The following PCNX1 variants were observed in gnomAD, a reference collection of about 807,000 sequenced individuals.
PCNX1 encodes the protein pecanex 1.
Under a neutral mutation model 242.2 loss-of-function variants are expected in PCNX1, and 78 were observed. That is an observed-to-expected ratio of 0.32 (90% CI 0.27 to 0.39). PCNX1 has a LOEUF of 0.39. Among genes scored for constraint, PCNX1 ranks in the 10% least tolerant of loss-of-function variants. PCNX1 has a pLI of 1.00. For missense variants in PCNX1, 2,581 were observed against 2,856.5 expected, an observed-to-expected ratio of 0.90 and a Z score of 2.20; for synonymous variants, 1,024 against 1,032.9, an observed-to-expected ratio of 0.99 and a Z score of 0.17.
At chr14:70,942,824 C>T (rs991952104) in intron 1 of PCNX1, 4 of 152,200 alleles carry the variant, frequency 2.6e-5, no homozygotes, top group Admixed American at 6.5e-5. Context: ...TTTGTGTCCT[C>T]ACCCAAATCT....
At chr14:71,076,550 A>C in intron 28 of PCNX1, 131 bp downstream of exon 28, 2 of 647,578 alleles carry the variant, frequency 3.1e-6, no homozygotes, top group South Asian at 3.8e-5. Flanking sequence ...AAGATAACCT[A>C]ACTGGTTCAT....
intron 31 of PCNX1, among the ~76,000 whole-genome samples, chr14:71,102,508 C>T (rs889993374): frequency 2.0e-5 from 3 of 152,058 alleles, no homozygotes; most frequent in African/African-American, 7.2e-5. Flanking sequence ...TCAAGTGATC[C>T]ACCTGACTCA....
chr14:70,945,622 G>A lies in PCNX1; in HGVS notation c.154-1293G>A, dbSNP rs28453676. Among the ~76,000 whole-genome samples the A allele has an allele frequency of 8.4e-3, 1,269 of 150,660 alleles. 10 individuals carry two copies. The highest frequency in any genetic ancestry group is 0.029 in the African/African-American group (1,195 of 41,038). On this transcript the variant is annotated intron_variant, in intron 1 of 35. Coordinates refer to ENST00000304743, the MANE Select transcript of PCNX1 (RefSeq NM_014982.3). ...TTGATCATACCTGTATTCTAAACCTGTCTGGCCCATAAAGACCTTTTTATT... is the reference window on the plus strand; with the variant it reads ...TTGATCATACCTGTATTCTAAACCTATCTGGCCCATAAAGACCTTTTTATT...
At chr14:71,005,522 G>A (rs543748505) in intron 8 of PCNX1, among the ~76,000 whole-genome samples, 1 of 151,848 alleles carries the variant, frequency 6.6e-6, no homozygotes, top group African/African-American at 2.4e-5. Context: ...AAAAAAAGGG[G>A]GGGTGGGGAA....
chr14:70,980,738 A>G (rs8010507), intron 6 of PCNX1, among the ~76,000 whole-genome samples: 64 of 152,296 alleles, frequency 4.2e-4, no homozygotes, highest in Non-Finnish European at 7.2e-4. Flanking sequence ...TGTTTATGTT[A>G]ACATTATCTG....
At chr14:70,938,134 C>T (rs1042394161) in intron 1 of PCNX1, among the ~76,000 whole-genome samples, 9 of 152,108 alleles carry the variant, frequency 5.9e-5, no homozygotes, top group African/African-American at 1.7e-4. Context: ...CCTTCTCCTG[C>T]CTGATTGCCC....
At chr14:71,064,342 A>T (rs1420502448) in intron 26 of PCNX1, among the ~76,000 whole-genome samples, 2 of 152,184 alleles carry the variant, frequency 1.3e-5, no homozygotes, top group Non-Finnish European at 2.9e-5. Flanking sequence ...GGAAATAGTC[A>T]TGGGATTAGA....
chr14:70,921,351 C>G (rs1324175612), intron 1 of PCNX1, among the ~76,000 whole-genome samples: 1 of 152,076 alleles, frequency 6.6e-6, no homozygotes, highest in Non-Finnish European at 1.5e-5. Flanking sequence ...ATGAAATCCT[C>G]AATTTCATAT....
intron 8 of PCNX1, among the ~76,000 whole-genome samples, chr14:70,998,768 A>G (rs71425293): frequency 1.4e-4 from 20 of 147,972 alleles, no homozygotes; most frequent in Middle Eastern, 3.4e-3. Context: ...AAAAAAAAAA[A>G]AAAAGAAAAA....
At chr14:70,957,265 G>A (rs2058031994) in intron 2 of PCNX1, among the ~76,000 whole-genome samples, 1 of 152,024 alleles carries the variant, frequency 6.6e-6, no homozygotes. Flanking sequence ...TAGGATTACA[G>A]GCATGAACCA....
intron 16 of PCNX1, 72 bp downstream of exon 16, chr14:71,028,863 T>G (rs1279872364): frequency 1.2e-6 from 1 of 832,150 alleles, no homozygotes; most frequent in Non-Finnish European, 1.9e-6. Flanking sequence ...TAAAATCAAC[T>G]AATAATGATT....
rs1300335062 is a variant in PCNX1, at chr14:71,012,877, A to C, written c.2779-108A>C. 7 of 773,268 alleles carry C rather than the reference A, an allele frequency of 9.1e-6. No homozygotes were observed. The Admixed American group carries it at 1.5e-4, about 16-fold the overall frequency. 47.9% of individuals were successfully genotyped at this position (773,268 alleles called of 1,614,324 possible). A position where few individuals can be genotyped will look rare whatever the true frequency, so the allele number is the denominator to read the frequency against. Reference sequence around the variant, plus strand: ...GAAAATTAAAGGGCTTAGATAACTGATAAGCTAATTGAGTAACTGTTGAAT... The same window carrying C: ...GAAAATTAAAGGGCTTAGATAACTGCTAAGCTAATTGAGTAACTGTTGAAT... On this transcript the variant is annotated intron_variant, in intron 10 of 35. Coordinates refer to ENST00000304743, the MANE Select transcript of PCNX1 (RefSeq NM_014982.3).
At chr14:71,015,476 A>G (rs758947825) in intron 11 of PCNX1, among the ~76,000 whole-genome samples, 3 of 152,194 alleles carry the variant, frequency 2.0e-5, no homozygotes, top group Non-Finnish European at 4.4e-5. Flanking sequence ...AAAGTGATAT[A>G]TCATCACTTT....
At chr14:71,109,390 AT>A in intron 34 of PCNX1, 61 bp from the exon 35 acceptor site, 2 of 1,429,366 alleles carry the variant, frequency 1.4e-6, no homozygotes, top group South Asian at 2.5e-5. Flanking sequence ...TTTGTTTGAG[AT>A]TACATAATTT....
intron 1 of PCNX1, among the ~76,000 whole-genome samples, chr14:70,921,132 G>A (rs1466471026): frequency 1.3e-5 from 2 of 152,054 alleles, no homozygotes; most frequent in African/African-American, 4.8e-5. Flanking sequence ...TATGTATCTG[G>A]AATGGTTAAA....
intron 1 of PCNX1, among the ~76,000 whole-genome samples, chr14:70,934,763 A>G (rs1566585291): frequency 1.3e-5 from 2 of 152,230 alleles, no homozygotes; most frequent in Admixed American, 6.5e-5. Context: ...GGTGGTTGCC[A>G]GGGCATAGGG....
rs773090215 is a variant in PCNX1, at chr14:71,036,061, A to G, written c.3775-4A>G. On this transcript the variant is annotated splice_polypyrimidine_tract_variant and splice_region_variant and intron_variant, in intron 18 of 35. Coordinates refer to ENST00000304743, the MANE Select transcript of PCNX1 (RefSeq NM_014982.3). The stretch of plus-strand genomic sequence containing the variant: ...TGTTTAATAATTCTTTTTTTTCCCC[A>G]CAGAGTGAGCGATTACAGTCTGACC... 8 of 1,566,234 alleles carry G rather than the reference A, an allele frequency of 5.1e-6. No individual in the cohort carries two copies. The highest frequency in any genetic ancestry group is 6.1e-6 in the Non-Finnish European group (7 of 1,141,236).
At chr14:71,003,193 C>G (rs952621585) in intron 8 of PCNX1, among the ~76,000 whole-genome samples, 1 of 149,608 alleles carries the variant, frequency 6.7e-6, no homozygotes, top group South Asian at 2.1e-4. Context: ...AAGCGATTCT[C>G]CTACCTCAGC....
chr14:70,990,647 T>C (rs1566667614), intron 7 of PCNX1, among the ~76,000 whole-genome samples: 1 of 152,036 alleles, frequency 6.6e-6, no homozygotes. Flanking sequence ...AAAAGTAATA[T>C]GGATTAATTA....
Sources: gnomAD v4.1 joint callset for allele counts (sites outside exome capture counted in the v4.1 genomes callset) on GRCh38, gnomAD v4.1.1 for gene constraint, MANE v1.5 for transcripts, NCBI Gene and HGNC (gene_info 2026-07-23, HGNC 2026-07-21) for gene names.